APBA1: variants seen among roughly 807,000 people sequenced by gnomAD.
APBA1 encodes amyloid-beta A4 precursor protein-binding family A member 1.
A neutral mutation model predicts 86.6 loss-of-function variants in APBA1; 55 were observed. The observed-to-expected ratio is 0.64, with a 90% CI of 0.51 to 0.80. The LOEUF (loss-of-function observed/expected upper bound fraction) is 0.80. Ranked by LOEUF, APBA1 falls within the 30% of genes least tolerant of loss-of-function variation. The pLI is 0.00. For missense variants in APBA1, 1,090 were observed against 1,183.0 expected, an observed-to-expected ratio of 0.92 and a Z score of 1.15; for synonymous variants, 511 against 493.9, an observed-to-expected ratio of 1.03 and a Z score of -0.46.
chr9:69,473,085 G>C (rs905699683), intron 3 of APBA1, among the ~76,000 whole-genome samples: 17 of 152,156 alleles, frequency 1.1e-4, no homozygotes, highest in Admixed American at 1.0e-3. Context: ...AAAGTGGGTG[G>C]GTTTCTAGTG....
intron 1 of APBA1, among the ~76,000 whole-genome samples, chr9:69,555,539 G>A (rs1335391180): frequency 6.6e-6 from 1 of 152,126 alleles, no homozygotes; most frequent in African/African-American, 2.4e-5. Context: ...ATATAGAAAA[G>A]GGTGCAGAGA....
chr9:69,635,372 A>C (rs947560312), intron 1 of APBA1, among the ~76,000 whole-genome samples: 1 of 152,090 alleles, frequency 6.6e-6, no homozygotes, highest in South Asian at 2.1e-4. Flanking sequence ...TATACACACA[A>C]AAAAAGCAAG....
At chr9:69,590,692 G>A (rs1042345178) in intron 1 of APBA1, among the ~76,000 whole-genome samples, 5 of 152,132 alleles carry the variant, frequency 3.3e-5, no homozygotes, top group African/African-American at 7.2e-5. Context: ...AAAGAGAACC[G>A]TGCTCTAATG....
chr9:69,619,332 G>T (rs1822767284), intron 1 of APBA1, among the ~76,000 whole-genome samples: 2 of 152,160 alleles, frequency 1.3e-5, no homozygotes, highest in East Asian at 1.9e-4. Context: ...CAACTGGAAA[G>T]GTCTTTGTAA....
chr9:69,671,618 C>T (rs1246448327), intron 1 of APBA1, among the ~76,000 whole-genome samples: 3 of 152,172 alleles, frequency 2.0e-5, no homozygotes, highest in African/African-American at 7.2e-5. Flanking sequence ...TGCAACCACA[C>T]GCGTACACAC....
intron 1 of APBA1, among the ~76,000 whole-genome samples, chr9:69,525,318 A>C (rs1836325172): frequency 6.6e-6 from 1 of 152,142 alleles, no homozygotes; most frequent in African/African-American, 2.4e-5. Context: ...ATGTGATTCT[A>C]TATCTAAAAA....
intron 1 of APBA1, among the ~76,000 whole-genome samples, chr9:69,585,903 C>T (rs978996142): frequency 6.6e-6 from 1 of 152,108 alleles, no homozygotes; most frequent in Non-Finnish European, 1.5e-5. Flanking sequence ...TCATATGGCC[C>T]TGGGGTGGGC....
intron 1 of APBA1, among the ~76,000 whole-genome samples, chr9:69,584,816 C>G (rs1821986280): frequency 6.6e-6 from 1 of 152,168 alleles, no homozygotes; most frequent in Non-Finnish European, 1.5e-5. Flanking sequence ...CCAAATTACT[C>G]TTAGAGTAAC....
At chr9:69,598,735 G>A (rs1822285722) in intron 1 of APBA1, among the ~76,000 whole-genome samples, 1 of 152,128 alleles carries the variant, frequency 6.6e-6, no homozygotes, top group Admixed American at 6.6e-5. Flanking sequence ...ATCCACCTGT[G>A]GGGAGATGGA....
intron 11 of APBA1, among the ~76,000 whole-genome samples, chr9:69,435,162 T>C (rs1834683229): frequency 6.6e-6 from 1 of 152,050 alleles, no homozygotes; most frequent in African/African-American, 2.4e-5. Flanking sequence ...CCATGGTGTA[T>C]ATGTGCCACA....
chr9:69,517,165 C>A lies in APBA1; in HGVS notation c.46G>T (p.Ala16Ser). ...GACTCGTTCACCTCCCCACCTGCCG[C>A]CTCGTCGGTCACCTCCACCTCCGCA... ...GSAEVEVTDE[A>S]AGGEVNESVE... Residue 16 changes from alanine (A) to serine (S), a missense_variant, in exon 2 of 13, where the codon GCG (alanine) becomes TCG (serine). This residue lies in a region of APBA1 where 678 missense variants were observed against 647.1 expected (regional missense o/e 1.05). Coordinates refer to ENST00000265381, the MANE Select transcript of APBA1 (RefSeq NM_001163.4). 1 of 1,555,386 alleles carries A rather than the reference C, an allele frequency of 6.4e-7. No individual in the cohort carries two copies. Among genetic ancestry groups the A allele is most frequent in the East Asian group, 2.4e-5 (1 of 42,280 alleles).
At chr9:69,642,629 GAA>G in intron 1 of APBA1, among the ~76,000 whole-genome samples, 1 of 152,078 alleles carries the variant, frequency 6.6e-6, no homozygotes, top group East Asian at 1.9e-4. Context: ...ATGTTTTTGT[GAA>G]AGAGAGAGAG....
chr9:69,626,328 G>C (rs879927058), intron 1 of APBA1, among the ~76,000 whole-genome samples: 135 of 151,936 alleles, frequency 8.9e-4, no homozygotes, highest in Middle Eastern at 6.8e-3. Flanking sequence ...ATTGTTGTTT[G>C]TTTGTTTGTT....
chr9:69,595,486 A>G (rs1452052043), intron 1 of APBA1, among the ~76,000 whole-genome samples: 1 of 152,224 alleles, frequency 6.6e-6, no homozygotes, highest in South Asian at 2.1e-4. Flanking sequence ...TTCAAGAAAT[A>G]TTCTAGCGGA....
rs768546904 is a variant in APBA1, at chr9:69,516,484, C to G, written c.727G>C (p.Asp243His). 3 of 1,599,710 alleles carry G rather than the reference C, an allele frequency of 1.9e-6. No individual in the cohort carries two copies. In the South Asian group the frequency reaches 3.3e-5, roughly 18 times the overall value. The change falls in exon 2 of 13, where the codon GAC (aspartate) becomes CAC (histidine). Residue 243 changes from aspartate to histidine, a missense_variant. Around this residue, in one of 6 missense-constraint regions of APBA1, gnomAD observed 678 missense variants for 647.1 expected, o/e 1.05. Transcript: ENST00000265381. This position sits in a 1 kb window ranked among gnomAD's most constrained non-coding sequence, Gnocchi z 7.3. ...TTCTCGGGGCTGTCGGACTCGCCGT[C>G]GGAGCGCTCGTCGTAATGGTGCAGC... is the stretch of plus-strand genomic sequence containing the variant. Reference protein sequence around the residue: ...ARLHHYDERSDGESDSPEKEA... With the variant: ...ARLHHYDERSHGESDSPEKEA...
intron 2 of APBA1, among the ~76,000 whole-genome samples, chr9:69,498,909 C>T (rs941902879): frequency 1.2e-4 from 19 of 152,092 alleles, no homozygotes; most frequent in African/African-American, 4.6e-4. Flanking sequence ...GCATGGCAGA[C>T]GGTTGAGAAC....
chr9:69,471,506 G>A (rs1465074240), intron 4 of APBA1, 150 bp downstream of exon 4: 1 of 691,962 alleles, frequency 1.4e-6, no homozygotes, highest in African/African-American at 1.8e-5. Context: ...CATTCTTTGA[G>A]TCTAAGATCC....
At chr9:69,487,561 G>A (rs994728281) in intron 2 of APBA1, among the ~76,000 whole-genome samples, 2 of 152,174 alleles carry the variant, frequency 1.3e-5, no homozygotes, top group Middle Eastern at 3.4e-3. Flanking sequence ...TTTGGGAGGT[G>A]ACTGGGTCAT....
intron 1 of APBA1, among the ~76,000 whole-genome samples, chr9:69,545,207 C>T (rs1836678848): frequency 6.6e-6 from 1 of 152,158 alleles, no homozygotes; most frequent in African/African-American, 2.4e-5. Flanking sequence ...ACAAAATGGG[C>T]TTGATAGATG....
Sources: gnomAD v4.1 joint callset for allele counts (sites outside exome capture counted in the v4.1 genomes callset) on GRCh38, gnomAD v4.1.1 for gene constraint, gnomAD v4.1.1 regional missense constraint, Gnocchi (gnomAD v3.1) non-coding constraint, MANE v1.5 for transcripts, NCBI Gene and HGNC (gene_info 2026-07-23, HGNC 2026-07-21) for gene names.